ZFAND3: variants seen among roughly 807,000 people sequenced by gnomAD.
ZFAND3 encodes the protein AN1-type zinc finger protein 3.
ZFAND3 carries 10 observed loss-of-function variants against 29.6 expected under a neutral mutation model. That is an observed-to-expected ratio of 0.34 (90% confidence interval 0.21 to 0.57). The LOEUF is 0.57. Ranked by LOEUF, ZFAND3 falls within the 20% of genes least tolerant of loss-of-function variation. The pLI is 0.86. For missense variants in ZFAND3, 230 were observed against 304.5 expected, an observed-to-expected ratio of 0.76 and a Z score of 1.82; for synonymous variants, 128 against 112.6, an observed-to-expected ratio of 1.14 and a Z score of -0.87.
At chr6:37,958,689 C>T (rs533383310) in intron 2 of ZFAND3, among the ~76,000 whole-genome samples, 1 of 152,194 alleles carries the variant, frequency 6.6e-6, no homozygotes, top group African/African-American at 2.4e-5. Flanking sequence ...ACCTTTTCTT[C>T]CACACTTAAG....
intron 2 of ZFAND3, among the ~76,000 whole-genome samples, chr6:37,942,511 T>C (rs182873929): frequency 6.8e-4 from 103 of 152,272 alleles, no homozygotes; most frequent in Admixed American, 1.4e-3. Context: ...CCAATAGATA[T>C]GTCAGCCTCT....
chr6:37,907,038 G>A (rs1457397738), intron 1 of ZFAND3, among the ~76,000 whole-genome samples: 1 of 144,908 alleles, frequency 6.9e-6, no homozygotes, highest in African/African-American at 2.5e-5. Context: ...TTTATTGGAT[G>A]CTTCCTTTTA....
rs556225304 is a variant in ZFAND3, at chr6:37,883,549, T to G, written c.72-46410T>G. ...GTATACCTTTTCTTTTCTTTCTTTC[T>G]TTTTTTTTTTTGAGACGGAGTCTCG... On this transcript the variant is annotated intron_variant, in intron 1 of 5. Coordinates refer to ENST00000287218, the MANE Select transcript of ZFAND3 (RefSeq NM_021943.3). Among the ~76,000 whole-genome samples, 15 of 128,482 alleles carry G rather than the reference T, an allele frequency of 1.2e-4. 2 individuals carry two copies. In the South Asian group the frequency reaches 3.2e-3, roughly 27 times the overall value. The allele number at this position is 128,482 out of a possible 152,430, so 84.3% of individuals were successfully genotyped here.
intron 2 of ZFAND3, among the ~76,000 whole-genome samples, chr6:38,003,959 A>G (rs1379417016): frequency 2.0e-5 from 3 of 152,064 alleles, no homozygotes; most frequent in African/African-American, 7.3e-5. Context: ...TGATGACTCT[A>G]ATATTGTTTG....
rs144407949 is a variant in ZFAND3 at position 37,977,454 on chromosome 6, A to G, written c.112+47455A>G. ...GTAGCTAGGATTACAGGTGCCCACC[A>G]CTACGCCTGGGTAATTTTTGTATTT... On this transcript the variant is annotated intron_variant, in intron 2 of 5. Transcript: ENST00000287218. Among the ~76,000 whole-genome samples, 63 of 152,182 alleles carry G rather than the reference A, an allele frequency of 4.1e-4. 2 individuals carry two copies. In the East Asian group the frequency reaches 0.01, roughly 24 times the overall value.
chr6:37,995,722 C>T (rs1762838089), intron 2 of ZFAND3, among the ~76,000 whole-genome samples: 1 of 151,844 alleles, frequency 6.6e-6, no homozygotes, highest in African/African-American at 2.4e-5. Flanking sequence ...CACAAAAAGC[C>T]CTTTAGTGAG....
chr6:37,887,485 AACTT>A (rs1211875065), intron 1 of ZFAND3, among the ~76,000 whole-genome samples: 2 of 152,222 alleles, frequency 1.3e-5, no homozygotes, highest in Non-Finnish European at 2.9e-5. Flanking sequence ...ATCAAATCAG[AACTT>A]ACTATGTTGG....
intron 3 of ZFAND3, among the ~76,000 whole-genome samples, chr6:38,073,713 A>G (rs569530292): frequency 2.0e-5 from 3 of 152,306 alleles, no homozygotes; most frequent in Admixed American, 1.3e-4. Context: ...ATTTTGAAGT[A>G]TCAGTGGTAA....
At chr6:37,839,115 ATGTC>A (rs1409876302) in intron 1 of ZFAND3, among the ~76,000 whole-genome samples, 2 of 152,126 alleles carry the variant, frequency 1.3e-5, no homozygotes, top group Non-Finnish European at 1.5e-5. Context: ...CTTTGGAACA[ATGTC>A]TGTTTAAATA....
rs556634259 is a variant in ZFAND3 at position 37,820,434 on chromosome 6, C to T, written c.71+418C>T. 1.1e-4 allele frequency among the ~76,000 whole-genome samples: 17 copies of T among 152,310 alleles called. 1 individual carries two copies. Among genetic ancestry groups the T allele is most frequent in the East Asian group, 5.8e-4 (3 of 5,178 alleles). ...GTGCCCAGGCACTAGGAGGGTATTT[C>T]CTCTGACTTCTTCACCTCCCCTCCT... On this transcript the variant is annotated intron_variant, in intron 1 of 5. Transcript: ENST00000287218.
At chr6:38,085,402 AATG>A in intron 4 of ZFAND3, among the ~76,000 whole-genome samples, 1 of 152,294 alleles carries the variant, frequency 6.6e-6, no homozygotes, top group South Asian at 2.1e-4. Context: ...TGAGCTTAAT[AATG>A]ATGTGTGTTA....
At chr6:38,016,109 G>A (rs1763248129) in intron 2 of ZFAND3, among the ~76,000 whole-genome samples, 1 of 152,108 alleles carries the variant, frequency 6.6e-6, no homozygotes, top group African/African-American at 2.4e-5. Context: ...TTAGACAGTA[G>A]TTCAGAACTT....
At chr6:38,060,996 G>A (rs1186903718) in intron 2 of ZFAND3, among the ~76,000 whole-genome samples, 1 of 151,962 alleles carries the variant, frequency 6.6e-6, no homozygotes, top group Non-Finnish European at 1.5e-5. Flanking sequence ...GGACCCACAC[G>A]GTTCAAACCC....
In ZFAND3 at chr6:38,154,150, T is replaced by C. The variant is rs1581966867; in HGVS notation, c.*1761T>C. ...GTCTGCCCAGCGTTTACCACTGCTG[T>C]CAAGCCACAGCCCTTGGCCACCATA... On this transcript the variant is annotated 3_prime_UTR_variant, in exon 6 of 6. Coordinates refer to ENST00000287218, the MANE Select transcript of ZFAND3 (RefSeq NM_021943.3). 1.0e-6 allele frequency: 1 copy of C among 985,446 alleles called. No homozygotes were observed. Among genetic ancestry groups the C allele is most frequent in the Non-Finnish European group, 1.2e-6 (1 of 830,042 alleles). The allele number at this position is 985,446 out of a possible 1,614,324, so 61.0% of individuals were successfully genotyped here.
chr6:38,138,996 A>C (rs904246415), intron 5 of ZFAND3, among the ~76,000 whole-genome samples: 1 of 152,228 alleles, frequency 6.6e-6, no homozygotes, highest in African/African-American at 2.4e-5. Context: ...TACCTAAAGG[A>C]GAAAATGCAG....
chr6:38,018,778 C>T (rs976496727), intron 2 of ZFAND3, among the ~76,000 whole-genome samples: 8 of 152,106 alleles, frequency 5.3e-5, no homozygotes, highest in African/African-American at 7.2e-5. Flanking sequence ...TTTGTACATG[C>T]AAGATTATAT....
intron 1 of ZFAND3, among the ~76,000 whole-genome samples, chr6:37,867,617 A>AT (rs576029905): frequency 6.6e-6 from 1 of 151,868 alleles, no homozygotes; most frequent in Non-Finnish European, 1.5e-5. Context: ...TACTTGTCCA[A>AT]TTTTTTTTGA....
intron 2 of ZFAND3, among the ~76,000 whole-genome samples, chr6:37,971,923 C>G (rs768257401): frequency 1.3e-5 from 2 of 151,476 alleles, no homozygotes; most frequent in African/African-American, 2.4e-5. Flanking sequence ...TTGCTTGAGC[C>G]GTGATCTTGC....
At chr6:38,030,244 C>T (rs1763534363) in intron 2 of ZFAND3, among the ~76,000 whole-genome samples, 1 of 150,102 alleles carries the variant, frequency 6.7e-6, no homozygotes, top group Non-Finnish European at 1.5e-5. Context: ...CCAGGCTGGT[C>T]TCACACTCCT....
Sources: gnomAD v4.1 joint callset for allele counts (sites outside exome capture counted in the v4.1 genomes callset) on GRCh38, gnomAD v4.1.1 for gene constraint, MANE v1.5 for transcripts, NCBI Gene and HGNC (gene_info 2026-07-23, HGNC 2026-07-21) for gene names.